The following ATP2B2 variants were observed in gnomAD, a reference collection of about 807,000 sequenced individuals.
ATP2B2 encodes ATPase plasma membrane Ca2+ transporting 2.
In ATP2B2, 15 loss-of-function variants were observed where a neutral mutation model predicts 120.0. The observed-to-expected ratio is 0.12, with a 90% CI of 0.08 to 0.19. ATP2B2 has a LOEUF of 0.19. Among genes scored for constraint, ATP2B2 ranks in the 10% least tolerant of loss-of-function variants. The pLI is 1.00. For synonymous variants in ATP2B2, 694 were observed against 700.3 expected (o/e 0.99, Z 0.14); for missense variants, 1,045 against 1,719.8 (o/e 0.61, Z 6.94).
At chr3:10,563,357 C>A (rs2067943659) in intron 2 of ATP2B2, among the ~76,000 whole-genome samples, 1 of 152,242 alleles carries the variant, frequency 6.6e-6, no homozygotes, top group Non-Finnish European at 1.5e-5. Context: ...ATCCTAACAA[C>A]TCTTCCGCAC....
chr3:10,462,539 G>A (rs965476809), intron 1 of ATP2B2, among the ~76,000 whole-genome samples: 3 of 152,228 alleles, frequency 2.0e-5, no homozygotes, highest in Non-Finnish European at 4.4e-5. Flanking sequence ...GGCTGTGTGA[G>A]GCTCTGCTCA....
chr3:10,674,388 T>C lies in ATP2B2; in HGVS notation c.-460+33527A>G, dbSNP rs181514558. Among the ~76,000 whole-genome samples, 193 of 152,322 alleles carry C rather than the reference T, an allele frequency of 1.3e-3. 1 individual carries two copies. Among genetic ancestry groups the C allele is most frequent in the African/African-American group, 4.4e-3 (181 of 41,566 alleles). ...CCTGAAACCTATTGCTCCTGGATTG[T>C]TCAAATATGTGAGCCAATAAATGCT... On this transcript the variant is annotated intron_variant, in intron 1 of 21. Coordinates refer to the ATP2B2 transcript ENST00000646379.
chr3:10,401,471 A>C (rs2062217330), intron 4 of ATP2B2, among the ~76,000 whole-genome samples: 1 of 152,208 alleles, frequency 6.6e-6, no homozygotes, highest in Non-Finnish European at 1.5e-5. Flanking sequence ...AGAAGACCGC[A>C]ACCAAGTCAC....
intron 2 of ATP2B2, among the ~76,000 whole-genome samples, chr3:10,581,493 G>A (rs760755092): frequency 2.0e-4 from 30 of 152,340 alleles, no homozygotes; most frequent in Admixed American, 5.9e-4. Context: ...CAGCCACAGT[G>A]ATGAGGAACT....
chr3:10,609,302 C>G (rs1195044863), intron 2 of ATP2B2, among the ~76,000 whole-genome samples: 1 of 152,202 alleles, frequency 6.6e-6, no homozygotes, highest in Non-Finnish European at 1.5e-5. Flanking sequence ...GTCTGGAACT[C>G]TGGCTGCCAG....
intron 3 of ATP2B2, among the ~76,000 whole-genome samples, chr3:10,532,780 A>G (rs1424568282): frequency 6.6e-6 from 1 of 152,222 alleles, no homozygotes; most frequent in African/African-American, 2.4e-5. Flanking sequence ...CATGTGGCCC[A>G]TCTGCTTGTT....
intron 1 of ATP2B2, among the ~76,000 whole-genome samples, chr3:10,700,735 C>T (rs116386742): frequency 0.01 from 1,545 of 152,338 alleles, 26 homozygotes; most frequent in African/African-American, 0.035. Flanking sequence ...GACCAGTGTG[C>T]CATAGCTTAA....
At chr3:10,705,948 TG>T (rs1253335063) in intron 1 of ATP2B2, among the ~76,000 whole-genome samples, 1 of 152,208 alleles carries the variant, frequency 6.6e-6, no homozygotes, top group Non-Finnish European at 1.5e-5. Flanking sequence ...CCTACGTAGC[TG>T]GGACCAGGTC....
chr3:10,686,684 C>G (rs565729721), intron 1 of ATP2B2, among the ~76,000 whole-genome samples: 1 of 152,070 alleles, frequency 6.6e-6, no homozygotes, highest in Non-Finnish European at 1.5e-5. Flanking sequence ...TCATTCAGCA[C>G]TTTTTGTGTT....
chr3:10,683,558 T>C (rs1421658735), intron 1 of ATP2B2, among the ~76,000 whole-genome samples: 2 of 151,688 alleles, frequency 1.3e-5, no homozygotes, highest in African/African-American at 4.8e-5. Flanking sequence ...ATCAGTTATT[T>C]CTAGGTTGCT....
chr3:10,471,939 G>C (rs1439759243), intron 1 of ATP2B2, among the ~76,000 whole-genome samples: 1 of 151,886 alleles, frequency 6.6e-6, no homozygotes, highest in East Asian at 1.9e-4. Flanking sequence ...AAATTAGCCG[G>C]GTGTGGTGGC....
intron 1 of ATP2B2, among the ~76,000 whole-genome samples, chr3:10,457,002 T>C (rs185598977): frequency 6.6e-6 from 1 of 152,284 alleles, no homozygotes; most frequent in Non-Finnish European, 1.5e-5. Flanking sequence ...AGATATCCTC[T>C]CTGGGGGAGG....
intron 1 of ATP2B2, among the ~76,000 whole-genome samples, chr3:10,488,233 CTAT>C (rs2065779983): frequency 9.6e-6 from 1 of 104,458 alleles, no homozygotes; most frequent in African/African-American, 4.1e-5. Flanking sequence ...ACTCATCCAC[CTAT>C]CCATCCATCC....
chr3:10,607,129 G>A (rs914986790), intron 2 of ATP2B2, among the ~76,000 whole-genome samples: 2 of 152,158 alleles, frequency 1.3e-5, no homozygotes, highest in Admixed American at 6.5e-5. Context: ...GAGACAAGAT[G>A]TGGCACTGGC....
intron 14 of ATP2B2, among the ~76,000 whole-genome samples, chr3:10,351,977 A>G (rs761058313): frequency 6.6e-6 from 1 of 152,244 alleles, no homozygotes; most frequent in Non-Finnish European, 1.5e-5. Flanking sequence ...ACTGCTCTTG[A>G]GCCACTCAGT....
intron 2 of ATP2B2, among the ~76,000 whole-genome samples, chr3:10,555,768 C>CA (rs2067764950): frequency 6.6e-6 from 1 of 152,194 alleles, no homozygotes; most frequent in Admixed American, 6.5e-5. Context: ...GAGCATGCAG[C>CA]AAAAGGCAGT....
At chr3:10,439,018 C>T (rs960224074) in intron 2 of ATP2B2, among the ~76,000 whole-genome samples, 58 of 152,270 alleles carry the variant, frequency 3.8e-4, no homozygotes, top group African/African-American at 1.3e-3. Flanking sequence ...GTGGGAGGGC[C>T]CTGAAGCTGC....
intron 1 of ATP2B2, among the ~76,000 whole-genome samples, chr3:10,629,812 G>T (rs998900180): frequency 1.3e-5 from 2 of 152,170 alleles, no homozygotes; most frequent in Non-Finnish European, 2.9e-5. Context: ...TTAATCTCTG[G>T]CATAAATTCA....
intron 1 of ATP2B2, among the ~76,000 whole-genome samples, chr3:10,454,645 A>C (rs2125207304): frequency 6.6e-6 from 1 of 152,312 alleles, no homozygotes; most frequent in South Asian, 2.1e-4. Context: ...CTCTGACAGC[A>C]AGATTTGCTG....
Sources: allele counts gnomAD v4.1 joint callset (sites outside exome capture counted in the v4.1 genomes callset), GRCh38; gene constraint gnomAD v4.1.1; transcripts MANE v1.5; gene names NCBI Gene and HGNC (gene_info 2026-07-23, HGNC 2026-07-21).